DMD: variants seen among roughly 807,000 people sequenced by gnomAD.
DMD encodes mutant dystrophin.
Under a neutral mutation model 330.1 loss-of-function variants are expected in DMD, and 63 were observed. The ratio of observed to expected loss-of-function variants is 0.19; its 90% CI spans 0.16 to 0.24. The LOEUF is 0.24. Ranked by LOEUF, DMD falls within the 10% of genes least tolerant of loss-of-function variation. DMD has a pLI of 1.00. For missense variants in DMD, 3,344 were observed against 2,684.1 expected (o/e 1.25, Z -5.43); for synonymous variants, 1,223 against 959.8 (o/e 1.27, Z -5.07).
chrX:32,564,461 A>C (rs780015807), intron 16 of DMD, among the ~76,000 whole-genome samples: 1 of 111,716 alleles, frequency 9.0e-6, no homozygotes, highest in South Asian at 3.7e-4. Context: ...TTATTACATA[A>C]ATACCAATGT....
intron 41 of DMD, among the ~76,000 whole-genome samples, chrX:32,323,835 TAAAAC>T (rs2097634747): frequency 8.9e-6 from 1 of 111,871 alleles, no homozygotes; most frequent in Non-Finnish European, 1.9e-5. Context: ...GACAAGGAAT[TAAAAC>T]AGACACAGTT....
At chrX:33,195,685 A>G (rs995142832) in intron 1 of DMD, among the ~76,000 whole-genome samples, 4 of 110,692 alleles carry the variant, frequency 3.6e-5, no homozygotes, top group African/African-American at 1.3e-4. Context: ...TATTGAGTAC[A>G]CTGGACAAAA....
intron 43 of DMD, among the ~76,000 whole-genome samples, chrX:32,277,390 C>T (rs778248722): frequency 4.5e-5 from 5 of 110,762 alleles, no homozygotes; most frequent in African/African-American, 6.6e-5. Flanking sequence ...AACAACCCCA[C>T]TTTCAACATT....
At chrX:32,633,092 C>T (rs1050605397) in intron 11 of DMD, among the ~76,000 whole-genome samples, 4 of 112,091 alleles carry the variant, frequency 3.6e-5, no homozygotes, top group South Asian at 3.7e-4. Context: ...AAAACCTGCA[C>T]GTTCTGCACA....
intron 60 of DMD, among the ~76,000 whole-genome samples, chrX:31,351,865 T>C (rs776180015): frequency 4.6e-5 from 5 of 109,863 alleles, no homozygotes. Flanking sequence ...ATCTTCACAG[T>C]AACTCTGCAA....
At chrX:31,831,299 G>A in intron 49 of DMD, among the ~76,000 whole-genome samples, 1 of 112,066 alleles carries the variant, frequency 8.9e-6, no homozygotes, top group African/African-American at 3.2e-5. Context: ...GGGTTTGAAT[G>A]AAATTGTTTC....
intron 43 of DMD, among the ~76,000 whole-genome samples, chrX:32,239,047 C>A (rs1355248347): frequency 1.8e-5 from 2 of 111,937 alleles, no homozygotes; most frequent in Admixed American, 1.9e-4. Context: ...ACACTATTGA[C>A]ACTTTGAAAT....
intron 44 of DMD, among the ~76,000 whole-genome samples, chrX:32,187,119 T>A (rs771570075): frequency 1.8e-5 from 2 of 111,220 alleles, no homozygotes; most frequent in South Asian, 7.5e-4. Context: ...TAAAACGATG[T>A]TACAAATCAA....
intron 44 of DMD, among the ~76,000 whole-genome samples, chrX:32,170,221 A>T (rs1603627556): frequency 9.1e-6 from 1 of 110,485 alleles, no homozygotes; most frequent in East Asian, 2.8e-4. Flanking sequence ...CTGTAATCCC[A>T]GCACTTTGGG....
At position 33,162,970 on chromosome X, in the gene DMD, G is replaced by A. The variant is rs780303330; in HGVS notation, c.31+48312C>T. On this transcript the variant is annotated intron_variant, in intron 1 of 78. Transcript: ENST00000357033. ...GAAACAGCATAAACTATTGACTGAA[G>A]TTTGACATTTTAAAATTCTCTAATA... is the stretch of plus-strand genomic sequence containing the variant. Among the ~76,000 whole-genome samples the A allele has an allele frequency of 2.5e-3, 283 of 111,379 alleles. 5 individuals carry two copies. In the Admixed American group the frequency reaches 0.027, roughly 11 times the overall value.
At chrX:32,830,511 G>A (rs1337154366) in intron 4 of DMD, among the ~76,000 whole-genome samples, 2 of 111,285 alleles carry the variant, frequency 1.8e-5, no homozygotes, top group African/African-American at 3.3e-5. Flanking sequence ...AGCACTCTAT[G>A]GTTGGAAATT....
chrX:32,456,808 G>A (rs2098361280), intron 25 of DMD, among the ~76,000 whole-genome samples: 1 of 108,457 alleles, frequency 9.2e-6, no homozygotes, highest in Admixed American at 1.0e-4. Flanking sequence ...TGTAATAACA[G>A]GCAAATTTCT....
At chrX:32,290,377 G>A (rs985045842) in intron 42 of DMD, among the ~76,000 whole-genome samples, 3 of 111,984 alleles carry the variant, frequency 2.7e-5, no homozygotes, top group African/African-American at 9.7e-5. Flanking sequence ...TATGACTACA[G>A]GGATGTTGTT....
At chrX:32,770,055 T>TA (rs1041515173) in intron 7 of DMD, among the ~76,000 whole-genome samples, 2 of 111,692 alleles carry the variant, frequency 1.8e-5, no homozygotes, top group African/African-American at 6.5e-5. Flanking sequence ...CAGGAACATG[T>TA]ATTCCCAAGG....
At chrX:31,414,211 C>T (rs1188088448) in intron 60 of DMD, among the ~76,000 whole-genome samples, 1 of 110,097 alleles carries the variant, frequency 9.1e-6, no homozygotes, top group African/African-American at 3.3e-5. Context: ...GACAGGGTTT[C>T]GTCATGTTGG....
At chrX:31,132,840 A>G (rs964833353) in intron 77 of DMD, among the ~76,000 whole-genome samples, 1 of 108,702 alleles carries the variant, frequency 9.2e-6, no homozygotes, top group Non-Finnish European at 1.9e-5. Context: ...GATACCTAAG[A>G]TAGTCAGAAT....
At chrX:32,793,608 A>G (rs2075978586) in intron 7 of DMD, among the ~76,000 whole-genome samples, 1 of 111,729 alleles carries the variant, frequency 9.0e-6, no homozygotes, top group African/African-American at 3.2e-5. Flanking sequence ...ATAGAAATAA[A>G]AAGTTCAGAG....
In DMD at chrX:32,651,129, A is replaced by ATCC. The variant is rs200672281; in HGVS notation, c.961-5978_961-5977insGGA. Among the ~76,000 whole-genome samples, 9,080 of 106,293 alleles carry ATCC rather than the reference A, an allele frequency of 0.085. 925 individuals carry two copies. Among genetic ancestry groups the ATCC allele is most frequent in the African/African-American group, 0.31 (8,590 of 27,469 alleles). 92.3% of individuals were successfully genotyped at this position (106,293 alleles called of 115,157 possible). On this transcript the variant is annotated intron_variant, in intron 9 of 78. Coordinates refer to ENST00000357033, the MANE Select transcript of DMD (RefSeq NM_004006.3). Reference sequence around the variant, plus strand: ...TAAGCAACAGCACTTTTAAAAAAATATAATATAACTTTTTTTTTTTCTGTT... The same window carrying ATCC: ...TAAGCAACAGCACTTTTAAAAAAATATCCTAATATAACTTTTTTTTTTTCTGTT...
At chrX:32,026,693 T>C (rs144971555) in intron 44 of DMD, among the ~76,000 whole-genome samples, 5 of 112,387 alleles carry the variant, frequency 4.4e-5, no homozygotes, top group African/African-American at 1.6e-4. Context: ...TTGTAGCACA[T>C]AGCTGTATGT....
Sources: gnomAD v4.1 joint callset for allele counts (sites outside exome capture counted in the v4.1 genomes callset) on GRCh38, gnomAD v4.1.1 for gene constraint, MANE v1.5 for transcripts, NCBI Gene and HGNC (gene_info 2026-07-23, HGNC 2026-07-21) for gene names.